KDM7A: variants seen among roughly 807,000 people sequenced by gnomAD.
KDM7A encodes the protein lysine demethylase 7A.
A neutral mutation model predicts 114.8 loss-of-function variants in KDM7A; 28 were observed. The observed-to-expected ratio is 0.24, with a 90% CI of 0.18 to 0.33. The LOEUF (loss-of-function observed/expected upper bound fraction) is 0.33. Ranked by LOEUF, KDM7A falls within the 10% of genes least tolerant of loss-of-function variation. KDM7A has a pLI of 1.00. For synonymous variants in KDM7A, 423 were observed against 397.8 expected (o/e 1.06, Z -0.75); for missense variants, 942 against 1,142.5 (o/e 0.82, Z 2.53).
chr7:140,159,350 GA>G (rs1439385399), intron 1 of KDM7A, among the ~76,000 whole-genome samples: 1 of 151,466 alleles, frequency 6.6e-6, no homozygotes, highest in African/African-American at 2.4e-5. Flanking sequence ...CCATATTGGA[GA>G]AAAAAATAAA....
In KDM7A at chr7:140,113,570, T is replaced by A; in HGVS notation, c.1259A>T (p.Asp420Val). 6 of 1,590,854 alleles carry A rather than the reference T, an allele frequency of 3.8e-6. No individual in the cohort carries two copies. Among genetic ancestry groups the A allele is most frequent in the Non-Finnish European group, 3.4e-6 (4 of 1,160,720 alleles). The change falls in exon 10 of 20, where the codon GAT becomes GTT. Residue 420 changes from aspartate (D) to valine (V), a missense_variant. Coordinates refer to ENST00000397560, the MANE Select transcript of KDM7A (RefSeq NM_030647.2). ...LLETLKELRE[D>V]GFQPQTYLVQ... is the part of the protein sequence containing the mutation. ...TAGGTAAGTTTGAGGCTGGAAACCA[T>A]CTTCTCTCAGTTCTGTAGGAATGGA... is the stretch of plus-strand genomic sequence containing the variant.
At chr7:140,136,062 C>CA (rs1485035430) in intron 2 of KDM7A, among the ~76,000 whole-genome samples, 4 of 152,190 alleles carry the variant, frequency 2.6e-5, no homozygotes, top group Non-Finnish European at 5.9e-5. Flanking sequence ...TGGGCTCAAG[C>CA]AATCCTCCTA....
chr7:140,152,995 G>C (rs112167139), intron 1 of KDM7A, among the ~76,000 whole-genome samples: 1 of 151,716 alleles, frequency 6.6e-6, no homozygotes, highest in Non-Finnish European at 1.5e-5. Flanking sequence ...GAGTAGCTGG[G>C]AATACAGGCA....
chr7:140,114,093 G>C (rs1585145946), intron 9 of KDM7A, among the ~76,000 whole-genome samples: 1 of 152,162 alleles, frequency 6.6e-6, no homozygotes, highest in East Asian at 1.9e-4. Context: ...AATGACCAAG[G>C]ATTCAATTCA....
In KDM7A at chr7:140,176,915, A is replaced by ACCG. The variant is rs1161454131; in HGVS notation, c.20_22dup (p.Ala7dup). 9.4e-6 allele frequency: 11 copies of ACCG among 1,165,232 alleles called. No homozygotes were observed. Among genetic ancestry groups the ACCG allele is most frequent in the East Asian group, 4.4e-5 (1 of 22,850 alleles). The allele number at this position is 1,165,232 out of a possible 1,614,324, so 72.2% of individuals were successfully genotyped here. On this transcript the variant is annotated inframe_insertion, in exon 1 of 20. Coordinates refer to ENST00000397560, the MANE Select transcript of KDM7A (RefSeq NM_030647.2). This position sits in a 1 kb window ranked among gnomAD's most constrained non-coding sequence, Gnocchi z 4.4. ...GGCTCCAGCTGCTGCTCCCGCGGCC[A>ACCG]CCGCCGCCGCCGCTCCGGCCATCTT...
chr7:140,172,640 G>A (rs915672752), intron 1 of KDM7A, among the ~76,000 whole-genome samples: 139 of 151,270 alleles, frequency 9.2e-4, no homozygotes, highest in African/African-American at 3.0e-3. Context: ...GCGACAGAGC[G>A]AAACTCCGTC....
chr7:140,127,141 A>G (rs1382470369), intron 5 of KDM7A, among the ~76,000 whole-genome samples: 1 of 152,102 alleles, frequency 6.6e-6, no homozygotes, highest in Admixed American at 6.5e-5. Flanking sequence ...TTGTATTTTT[A>G]GTAGAGAGGG....
At chr7:140,143,684 G>A (rs1382791985) in intron 1 of KDM7A, among the ~76,000 whole-genome samples, 2 of 152,174 alleles carry the variant, frequency 1.3e-5, no homozygotes, top group African/African-American at 4.8e-5. Context: ...GAGAACTCTA[G>A]TACACTTGCT....
At chr7:140,146,091 TGG>T (rs1794337444) in intron 1 of KDM7A, among the ~76,000 whole-genome samples, 1 of 152,202 alleles carries the variant, frequency 6.6e-6, no homozygotes, top group South Asian at 2.1e-4. Flanking sequence ...TCTAATCAAC[TGG>T]TAAAACATTC....
chr7:140,143,814 A>C, intron 1 of KDM7A, among the ~76,000 whole-genome samples: 1 of 152,156 alleles, frequency 6.6e-6, no homozygotes, highest in Non-Finnish European at 1.5e-5. Flanking sequence ...TAACTAAATC[A>C]AGCTATTACA....
chr7:140,100,734 A>ATG (rs1818207792), intron 12 of KDM7A, among the ~76,000 whole-genome samples: 1 of 50,914 alleles, frequency 2.0e-5, no homozygotes, highest in Non-Finnish European at 3.9e-5. Context: ...ATATATATAT[A>ATG]TATATATACA....
At chr7:140,147,960 T>G (rs529993577) in intron 1 of KDM7A, among the ~76,000 whole-genome samples, 1 of 152,290 alleles carries the variant, frequency 6.6e-6, no homozygotes, top group South Asian at 2.1e-4. Context: ...GGACAATGTA[T>G]GTCAGTATGT....
At chr7:140,146,282 TATCTC>T (rs1404458307) in intron 1 of KDM7A, among the ~76,000 whole-genome samples, 2 of 152,162 alleles carry the variant, frequency 1.3e-5, no homozygotes, top group Admixed American at 1.3e-4. Context: ...AACCAAGAAT[TATCTC>T]AGGTCTTTGA....
At chr7:140,155,632 A>G (rs1390645749) in intron 1 of KDM7A, among the ~76,000 whole-genome samples, 1 of 152,206 alleles carries the variant, frequency 6.6e-6, no homozygotes, top group Non-Finnish European at 1.5e-5. Flanking sequence ...GACAGTGGGA[A>G]CTGGTCAAAG....
chr7:140,112,538 G>A (rs1818449816), intron 10 of KDM7A, among the ~76,000 whole-genome samples: 1 of 151,980 alleles, frequency 6.6e-6, no homozygotes, highest in African/African-American at 2.4e-5. Context: ...TTGAACCCAG[G>A]AGGCGTAGGT....
At position 140,139,086 on chromosome 7, in the gene KDM7A, T is replaced by C; in HGVS notation, c.280+19A>G. 2.0e-6 allele frequency: 3 copies of C among 1,520,530 alleles called. No homozygotes were observed. Among genetic ancestry groups the C allele is most frequent in the Non-Finnish European group, 2.7e-6 (3 of 1,099,430 alleles). 94.2% of individuals were successfully genotyped at this position (1,520,530 alleles called of 1,614,324 possible). On this transcript the variant is annotated intron_variant, in intron 2 of 19. Transcript: ENST00000397560. ...GTTTTTCTGAAATGTCCATTTTTAT[T>C]TAAGCATCTAGTACTTACTCAAGGA... is the stretch of plus-strand genomic sequence containing the variant.
At position 140,133,615 on chromosome 7, in the gene KDM7A, T is replaced by G. The variant is rs1417610602; in HGVS notation, c.322A>C (p.Ile108Leu). 6.2e-7 allele frequency: 1 copy of G among 1,612,738 alleles called. No individual in the cohort carries two copies. Among genetic ancestry groups the G allele is most frequent in the Non-Finnish European group, 8.5e-7 (1 of 1,178,866 alleles). ...TGCACTGGTTTGGAACCATCATCAATTTCTGTGTAGTCATGTCTGTGCCAG... is the reference window on the plus strand; with the variant it reads ...TGCACTGGTTTGGAACCATCATCAAGTTCTGTGTAGTCATGTCTGTGCCAG... ...RNWHRHDYTE[I>L]DDGSKPVQAG... Residue 108 changes from isoleucine (I) to leucine (L), a missense_variant, in exon 3 of 20, where the codon ATT becomes CTT. Ile to Leu is a conservative substitution (Grantham distance 5, BLOSUM62 2). Around this residue, in one of 4 missense-constraint regions of KDM7A, gnomAD observed 318 missense variants for 453.1 expected, o/e 0.70. Transcript: ENST00000397560.
At chr7:140,127,060 G>A (rs887297929) in intron 5 of KDM7A, among the ~76,000 whole-genome samples, 5 of 152,170 alleles carry the variant, frequency 3.3e-5, no homozygotes, top group Non-Finnish European at 7.4e-5. Context: ...TGCCGGGTTC[G>A]AGAGATCTCG....
intron 14 of KDM7A, 116 bp downstream of exon 14, chr7:140,098,763 G>T: frequency 2.4e-6 from 2 of 844,106 alleles, no homozygotes; most frequent in Admixed American, 2.7e-5. Context: ...ACAGTTTTAG[G>T]GACACAAAAG....
Sources: gnomAD v4.1 joint callset for allele counts (sites outside exome capture counted in the v4.1 genomes callset) on GRCh38, gnomAD v4.1.1 for gene constraint, gnomAD v4.1.1 regional missense constraint, Gnocchi (gnomAD v3.1) non-coding constraint, MANE v1.5 for transcripts, NCBI Gene and HGNC (gene_info 2026-07-23, HGNC 2026-07-21) for gene names.